The following LRRIQ1 variants were observed in gnomAD, a reference collection of about 807,000 sequenced individuals.
LRRIQ1 encodes leucine rich repeats and IQ motif containing 1, also known as leucine-rich repeat- and IQ domain-containing protein 1.
LRRIQ1 carries 210 observed loss-of-function variants against 211.9 expected under a neutral mutation model. The observed-to-expected ratio is 0.99, with a 90% CI of 0.89 to 1.11. The LOEUF (loss-of-function observed/expected upper bound fraction) is 1.11. Ranked by LOEUF, LRRIQ1 falls within the 50% of genes most tolerant of loss-of-function variation. LRRIQ1 has a pLI of 0.00. For missense variants in LRRIQ1, 2,136 were observed against 1,939.5 expected, an observed-to-expected ratio of 1.10 and a Z score of -1.90; for synonymous variants, 699 against 650.1, an observed-to-expected ratio of 1.08 and a Z score of -1.14.
At chr12:85,054,373 C>G (rs1026551525) in intron 7 of LRRIQ1, among the ~76,000 whole-genome samples, 5 of 152,326 alleles carry the variant, frequency 3.3e-5, no homozygotes, top group African/African-American at 9.6e-5. Context: ...GTAAAACTAA[C>G]AGCTTACATT....
chr12:85,197,821 T>C (rs1893012748), intron 24 of LRRIQ1, among the ~76,000 whole-genome samples: 1 of 106,472 alleles, frequency 9.4e-6, no homozygotes, highest in African/African-American at 6.2e-5. Context: ...TAAAACTTTA[T>C]AATAAAAAAA....
rs1340525567 is a variant in LRRIQ1 at position 85,055,874 on chromosome 12, GAAA to G, written c.1084_1086del (p.Lys362del). 1 of 1,517,160 alleles carries G rather than the reference GAAA, an allele frequency of 6.6e-7. No individual in the cohort carries two copies. Among genetic ancestry groups the G allele is most frequent in the Non-Finnish European group, 8.8e-7 (1 of 1,130,934 alleles). 94.0% of individuals were successfully genotyped at this position (1,517,160 alleles called of 1,614,324 possible). ...AAAGGAAGAGGAAAGGAAAAGGAGA[GAAA>G]AAGAATATGAAGAAAAAAAGAATAT... is the stretch of plus-strand genomic sequence containing the variant. On this transcript the variant is annotated inframe_deletion, in exon 8 of 27. Transcript: ENST00000393217.
At chr12:85,159,954 A>C (rs1211413319) in intron 23 of LRRIQ1, among the ~76,000 whole-genome samples, 1 of 152,026 alleles carries the variant, frequency 6.6e-6, no homozygotes, top group Non-Finnish European at 1.5e-5. Context: ...AAATACAATC[A>C]TTGTGAAAAA....
chr12:85,149,164 G>A (rs1055345144), intron 19 of LRRIQ1, among the ~76,000 whole-genome samples: 8 of 151,664 alleles, frequency 5.3e-5, no homozygotes, highest in African/African-American at 9.7e-5. Flanking sequence ...ATTAGATCCC[G>A]TTTGTGAATT....
intron 24 of LRRIQ1, among the ~76,000 whole-genome samples, chr12:85,164,066 T>A (rs892929663): frequency 1.3e-5 from 2 of 152,216 alleles, no homozygotes; most frequent in Non-Finnish European, 2.9e-5. Flanking sequence ...TTATTTTGAA[T>A]CAGATGCCTG....
chr12:85,083,057 A>G (rs1212458992), intron 11 of LRRIQ1, among the ~76,000 whole-genome samples: 1 of 152,136 alleles, frequency 6.6e-6, no homozygotes, highest in East Asian at 1.9e-4. Context: ...TCTACTGAAT[A>G]TTGAGATTCG....
intron 11 of LRRIQ1, among the ~76,000 whole-genome samples, chr12:85,089,819 A>T (rs2136221405): frequency 6.6e-6 from 1 of 152,340 alleles, no homozygotes; most frequent in East Asian, 1.9e-4. Context: ...GAAAGAAAAA[A>T]GCTTTTTTGG....
chr12:85,215,575 T>A (rs1156938122), intron 24 of LRRIQ1, among the ~76,000 whole-genome samples: 1 of 152,202 alleles, frequency 6.6e-6, no homozygotes, highest in African/African-American at 2.4e-5. Context: ...ATTTAGCCCC[T>A]ACTTATAAGT....
At chr12:85,219,461 C>T (rs986060752) in intron 24 of LRRIQ1, among the ~76,000 whole-genome samples, 5 of 152,030 alleles carry the variant, frequency 3.3e-5, no homozygotes, top group African/African-American at 1.2e-4. Context: ...AATTTAATAA[C>T]TAATTTTATT....
intron 11 of LRRIQ1, among the ~76,000 whole-genome samples, chr12:85,077,249 A>G (rs186302792): frequency 6.6e-6 from 1 of 152,330 alleles, no homozygotes; most frequent in East Asian, 1.9e-4. Flanking sequence ...TTCTGTGGGA[A>G]GAATTATTTG....
chr12:85,048,766 T>C (rs1879953839), intron 6 of LRRIQ1, among the ~76,000 whole-genome samples: 1 of 152,176 alleles, frequency 6.6e-6, no homozygotes, highest in Admixed American at 6.5e-5. Context: ...TAGGATTGAG[T>C]ATAATGTAGA....
chr12:85,066,550 TA>T (rs1021609796), intron 9 of LRRIQ1, among the ~76,000 whole-genome samples, 197 bp from the exon 10 acceptor site: 37 of 151,576 alleles, frequency 2.4e-4, no homozygotes, highest in African/African-American at 7.7e-4. Flanking sequence ...TTTAATATAT[TA>T]AAAATTAATT....
chr12:85,195,539 G>T (rs2136975220), intron 24 of LRRIQ1, among the ~76,000 whole-genome samples: 2 of 152,210 alleles, frequency 1.3e-5, no homozygotes, highest in South Asian at 4.1e-4. Flanking sequence ...TCAATTTAAT[G>T]TAATCCAGCA....
At chr12:85,163,235 T>G (rs1890988416) in intron 24 of LRRIQ1, among the ~76,000 whole-genome samples, 1 of 152,202 alleles carries the variant, frequency 6.6e-6, no homozygotes, top group Non-Finnish European at 1.5e-5. Context: ...TACAATGAAC[T>G]CTACTATATT....
At chr12:85,071,974 T>C (rs1279960732) in intron 10 of LRRIQ1, among the ~76,000 whole-genome samples, 1 of 152,078 alleles carries the variant, frequency 6.6e-6, no homozygotes, top group African/African-American at 2.4e-5. Flanking sequence ...TTAGTACTTT[T>C]ACCACAAATG....
chr12:85,227,517 G>C (rs758188826), intron 24 of LRRIQ1, among the ~76,000 whole-genome samples: 12 of 151,784 alleles, frequency 7.9e-5, no homozygotes, highest in Non-Finnish European at 1.6e-4. Flanking sequence ...TTTTGATGGG[G>C]TTGTTTGATT....
At chr12:85,037,894 A>G (rs1878356793) in intron 1 of LRRIQ1, among the ~76,000 whole-genome samples, 2 of 151,916 alleles carry the variant, frequency 1.3e-5, no homozygotes, top group African/African-American at 4.8e-5. Context: ...AACAATTCTG[A>G]TCTTTATTAT....
intron 18 of LRRIQ1, among the ~76,000 whole-genome samples, chr12:85,131,952 T>G (rs969740269): frequency 6.6e-6 from 1 of 152,194 alleles, no homozygotes; most frequent in African/African-American, 2.4e-5. Context: ...CCATTATTTC[T>G]GATAAACTAA....
chr12:85,243,229 G>A (rs1287794946), intron 26 of LRRIQ1, among the ~76,000 whole-genome samples: 1 of 147,334 alleles, frequency 6.8e-6, no homozygotes, highest in Admixed American at 6.8e-5. Flanking sequence ...TACCATTGAT[G>A]GAACTTTTCT....
Sources: allele counts gnomAD v4.1 joint callset (sites outside exome capture counted in the v4.1 genomes callset), GRCh38; gene constraint gnomAD v4.1.1; transcripts MANE v1.5; gene names NCBI Gene and HGNC (gene_info 2026-07-23, HGNC 2026-07-21).